HS2ST1: variants seen among roughly 807,000 people sequenced by gnomAD.
HS2ST1 encodes the protein heparan sulfate 2-O-sulfotransferase 1, also known as 2-O-sulfotransferase.
A neutral mutation model predicts 42.9 loss-of-function variants in HS2ST1; 18 were observed. The observed-to-expected ratio is 0.42, with a 90% CI of 0.29 to 0.62. HS2ST1 has a LOEUF of 0.62. HS2ST1 is among the 20% of genes least tolerant of loss of function. The pLI, the probability that HS2ST1 is intolerant of heterozygous loss-of-function variation, is 0.21. For synonymous variants in HS2ST1, 146 were observed against 152.9 expected, an observed-to-expected ratio of 0.95 and a Z score of 0.33; for missense variants, 334 against 433.8, an observed-to-expected ratio of 0.77 and a Z score of 2.04.
chr1:86,920,582 G>A (rs902130233), intron 1 of HS2ST1, among the ~76,000 whole-genome samples: 2 of 152,140 alleles, frequency 1.3e-5, no homozygotes, highest in Non-Finnish European at 2.9e-5. Flanking sequence ...GATAATTCCA[G>A]GATGTCTGTC....
intron 1 of HS2ST1, among the ~76,000 whole-genome samples, chr1:86,982,816 C>G (rs1648638411): frequency 6.6e-6 from 1 of 151,992 alleles, no homozygotes; most frequent in South Asian, 2.1e-4. Context: ...GCCTGGCCGC[C>G]ATGTCACCTC....
chr1:87,003,796 AC>A (rs1649356794), intron 1 of HS2ST1, among the ~76,000 whole-genome samples: 1 of 152,188 alleles, frequency 6.6e-6, no homozygotes. Context: ...GTAATAAGCA[AC>A]CTAGAGATGA....
At chr1:86,970,892 T>A (rs1361577861) in intron 1 of HS2ST1, among the ~76,000 whole-genome samples, 1 of 152,136 alleles carries the variant, frequency 6.6e-6, no homozygotes, top group Non-Finnish European at 1.5e-5. Context: ...AATTTACAGG[T>A]CAAATATTTT....
intron 1 of HS2ST1, among the ~76,000 whole-genome samples, chr1:86,972,321 T>G (rs1648256515): frequency 6.6e-6 from 1 of 152,174 alleles, no homozygotes; most frequent in Non-Finnish European, 1.5e-5. Flanking sequence ...TTCACATGGC[T>G]TGTATTACAA....
At chr1:87,036,565 A>G (rs1269249092) in intron 1 of HS2ST1, among the ~76,000 whole-genome samples, 1 of 152,200 alleles carries the variant, frequency 6.6e-6, no homozygotes, top group African/African-American at 2.4e-5. Context: ...AACATGGACT[A>G]GGTTATAGGA....
rs1648533077 is a variant in HS2ST1, at chr1:86,980,025, G to A, written c.124+64865G>A. Reference sequence around the variant, plus strand: ...ATAAAAGACAAATTACTTAGATAAGGTATGGCGAGAAAAAGCTCAATGTAT... The same window carrying A: ...ATAAAAGACAAATTACTTAGATAAGATATGGCGAGAAAAAGCTCAATGTAT... On this transcript the variant is annotated intron_variant, in intron 1 of 6. Transcript: ENST00000370550. Among the ~76,000 whole-genome samples, 4 of 152,148 alleles carry A rather than the reference G, an allele frequency of 2.6e-5. No individual in the cohort carries two copies. In the South Asian group the frequency reaches 8.3e-4, roughly 32 times the overall value.
At chr1:87,019,698 T>C (rs1649861072) in intron 1 of HS2ST1, among the ~76,000 whole-genome samples, 1 of 152,222 alleles carries the variant, frequency 6.6e-6, no homozygotes, top group Admixed American at 6.5e-5. Flanking sequence ...TCAAGTACAA[T>C]AGTGTTTATG....
intron 1 of HS2ST1, among the ~76,000 whole-genome samples, chr1:87,013,506 G>T (rs529715359): frequency 8.5e-4 from 129 of 152,292 alleles, no homozygotes; most frequent in Non-Finnish European, 1.3e-3. Context: ...TTCCTCCTAG[G>T]CCTCTGGGCC....
At chr1:86,980,148 T>C (rs1648535985) in intron 1 of HS2ST1, among the ~76,000 whole-genome samples, 1 of 152,216 alleles carries the variant, frequency 6.6e-6, no homozygotes, top group African/African-American at 2.4e-5. Flanking sequence ...TCACTCTATG[T>C]TGGGCAATGT....
At chr1:87,056,784 A>G (rs1650980580) in intron 1 of HS2ST1, among the ~76,000 whole-genome samples, 1 of 152,216 alleles carries the variant, frequency 6.6e-6, no homozygotes, top group African/African-American at 2.4e-5. Flanking sequence ...TATTTTTCAA[A>G]TGACAGTGCA....
intron 1 of HS2ST1, among the ~76,000 whole-genome samples, chr1:87,065,357 A>G (rs1651222763): frequency 6.6e-6 from 1 of 152,210 alleles, no homozygotes; most frequent in Admixed American, 6.5e-5. Context: ...GGAGGATCTG[A>G]CTAGACAAAT....
At chr1:87,053,737 A>G (rs1313622192) in intron 1 of HS2ST1, among the ~76,000 whole-genome samples, 1 of 152,182 alleles carries the variant, frequency 6.6e-6, no homozygotes, top group East Asian at 1.9e-4. Flanking sequence ...AGTGGACAAC[A>G]TGGTCAAAAG....
rs541454289 is a variant in HS2ST1, at chr1:87,053,693, A to G, written c.125-19241A>G. Among the ~76,000 whole-genome samples the G allele has an allele frequency of 3.5e-4, 54 of 152,286 alleles. No homozygotes were observed. The South Asian group carries it at 0.011, about 30-fold the overall frequency. ...CATGTCAGTAAGACATGAAACTAGC[A>G]TTTATCTGCTGCAGTATACTTTGAG... On this transcript the variant is annotated intron_variant, in intron 1 of 6. Coordinates refer to ENST00000370550, the MANE Select transcript of HS2ST1 (RefSeq NM_012262.4).
chr1:87,046,139 C>CAA (rs1275876008), intron 1 of HS2ST1: 4 of 712,508 alleles, frequency 5.6e-6, no homozygotes, highest in Admixed American at 5.4e-5. Context: ...CTTTAGATAA[C>CAA]AGAGCTGCCC....
chr1:86,998,731 T>G (rs1282437126), intron 1 of HS2ST1, among the ~76,000 whole-genome samples: 4 of 152,212 alleles, frequency 2.6e-5, no homozygotes, highest in Non-Finnish European at 4.4e-5. Context: ...CATTTTCTAT[T>G]GAACTTTTCA....
At chr1:86,926,627 A>T (rs1266758244) in intron 1 of HS2ST1, among the ~76,000 whole-genome samples, 1 of 152,112 alleles carries the variant, frequency 6.6e-6, no homozygotes. Context: ...CTTTTACTTC[A>T]TCTTGGCTAG....
At position 87,020,722 on chromosome 1, in the gene HS2ST1, G is replaced by A. The variant is rs143598461; in HGVS notation, c.125-52212G>A. On this transcript the variant is annotated intron_variant, in intron 1 of 6. Transcript: ENST00000370550. Reference sequence around the variant, plus strand: ...GGCTTGTAGATCATCTTCTCACTGTGTCTTCACATAGTCTCTGTGCATGTC... The same window carrying A: ...GGCTTGTAGATCATCTTCTCACTGTATCTTCACATAGTCTCTGTGCATGTC... 4.6e-3 allele frequency among the ~76,000 whole-genome samples: 701 copies of A among 152,228 alleles called. 4 individuals are homozygous for A. Among genetic ancestry groups the A allele is most frequent in the Middle Eastern group, 0.02 (6 of 294 alleles).
intron 1 of HS2ST1, among the ~76,000 whole-genome samples, chr1:86,950,925 T>C (rs1557490914): frequency 6.6e-6 from 1 of 152,128 alleles, no homozygotes; most frequent in Non-Finnish European, 1.5e-5. Context: ...GGCTACATGA[T>C]TGCAATAGAA....
chr1:87,041,177 T>A (rs1184493814), intron 1 of HS2ST1, among the ~76,000 whole-genome samples: 2 of 78,352 alleles, frequency 2.6e-5, no homozygotes, highest in Admixed American at 1.6e-4. Context: ...AATTCCCAAA[T>A]AAAAGAAGCA....
Sources: gnomAD v4.1 joint callset for allele counts (sites outside exome capture counted in the v4.1 genomes callset) on GRCh38, gnomAD v4.1.1 for gene constraint, MANE v1.5 for transcripts, NCBI Gene and HGNC (gene_info 2026-07-23, HGNC 2026-07-21) for gene names.